Variants in PAPOLA observed in about 807,000 individuals in gnomAD.
The protein encoded by PAPOLA is poly(A) polymerase alpha.
In PAPOLA, 15 loss-of-function variants were observed where a neutral mutation model predicts 100.6. That is an observed-to-expected ratio of 0.15 (90% confidence interval 0.10 to 0.23). PAPOLA has a LOEUF of 0.23. PAPOLA is among the 10% of genes least tolerant of loss of function. PAPOLA has a pLI of 1.00. For missense variants in PAPOLA, 533 were observed against 884.2 expected, an observed-to-expected ratio of 0.60 and a Z score of 5.04; for synonymous variants, 293 against 300.0, an observed-to-expected ratio of 0.98 and a Z score of 0.24.
At chr14:96,522,504 G>T (rs888003951) in intron 3 of PAPOLA, among the ~76,000 whole-genome samples, 2 of 151,674 alleles carry the variant, frequency 1.3e-5, no homozygotes, top group African/African-American at 4.8e-5. Context: ...TCCACCTCCC[G>T]GGCTCAGGCA....
intron 19 of PAPOLA, among the ~76,000 whole-genome samples, chr14:96,557,835 C>T (rs918005500): frequency 8.0e-5 from 12 of 149,410 alleles, no homozygotes; most frequent in African/African-American, 7.4e-5. Flanking sequence ...GAATGAAAAA[C>T]GGGTATTGTA....
chr14:96,555,832 T>C lies in PAPOLA; in HGVS notation c.1665-15T>C. 2.4e-6 allele frequency: 1 copy of C among 420,812 alleles called. No individual in the cohort carries two copies. 26.1% of individuals were successfully genotyped at this position (420,812 alleles called of 1,614,324 possible). On this transcript the variant is annotated splice_polypyrimidine_tract_variant and intron_variant, in intron 17 of 21. Coordinates refer to ENST00000216277, the MANE Select transcript of PAPOLA (RefSeq NM_032632.5). The stretch of plus-strand genomic sequence containing the variant: ...TTTTAAATTTTGAGACAATTTTTAA[T>C]TTTTTTTTTTTTAGCAGAAACAGTC...
At chr14:96,548,895 GA>G (rs1206084671) in intron 16 of PAPOLA, among the ~76,000 whole-genome samples, 1 of 152,112 alleles carries the variant, frequency 6.6e-6, no homozygotes, top group African/African-American at 2.4e-5. Flanking sequence ...CAAAAGCATT[GA>G]AGTTAATTAA....
intron 1 of PAPOLA, among the ~76,000 whole-genome samples, chr14:96,508,731 T>G (rs893340189): frequency 5.3e-5 from 8 of 152,232 alleles, no homozygotes; most frequent in Admixed American, 2.0e-4. Flanking sequence ...AGTTCTCATT[T>G]TGGGAGGGTG....
intron 1 of PAPOLA, among the ~76,000 whole-genome samples, chr14:96,512,165 T>A (rs990791010): frequency 6.6e-6 from 1 of 152,172 alleles, no homozygotes; most frequent in Non-Finnish European, 1.5e-5. Context: ...TTTAACATGT[T>A]GAAACAAGTT....
rs1415870248 is a variant in PAPOLA, at chr14:96,514,242, C to T, written c.9-5813C>T. Among the ~76,000 whole-genome samples, 5 of 149,776 alleles carry T rather than the reference C, an allele frequency of 3.3e-5. No individual in the cohort carries two copies. The South Asian group carries it at 8.4e-4, about 25-fold the overall frequency. On this transcript the variant is annotated intron_variant, in intron 1 of 21. Transcript: ENST00000216277. Reference sequence around the variant, plus strand: ...TGCCCAGGCTGGAGTGCTGGGATCTCGGCTCACTGCAAGTTCCACCTCCCG... The same window carrying T: ...TGCCCAGGCTGGAGTGCTGGGATCTTGGCTCACTGCAAGTTCCACCTCCCG...
At chr14:96,550,471 G>T (rs1159005637) in intron 16 of PAPOLA, among the ~76,000 whole-genome samples, 1 of 152,100 alleles carries the variant, frequency 6.6e-6, no homozygotes, top group African/African-American at 2.4e-5. Flanking sequence ...AATCATTAAT[G>T]ATTGGAAATT....
chr14:96,561,895 C>CT (rs916484790), intron 20 of PAPOLA, among the ~76,000 whole-genome samples: 2 of 147,018 alleles, frequency 1.4e-5, no homozygotes, highest in African/African-American at 5.0e-5. Context: ...CTTCTTTGTC[C>CT]TTTTTTTGGT....
chr14:96,533,076 T>C, intron 9 of PAPOLA: 3 of 978,870 alleles, frequency 3.1e-6, no homozygotes, highest in Non-Finnish European at 3.6e-6. Flanking sequence ...TGGCCTAATA[T>C]TAAAGATACG....
chr14:96,502,823 G>T (rs1166361446), intron 1 of PAPOLA: 1 of 457,584 alleles, frequency 2.2e-6, no homozygotes, highest in African/African-American at 2.0e-5. Context: ...GGCTGGGTCA[G>T]CTGCCGTCGG....
At chr14:96,507,519 C>T (rs1196627362) in intron 1 of PAPOLA, among the ~76,000 whole-genome samples, 1 of 152,046 alleles carries the variant, frequency 6.6e-6, no homozygotes, top group East Asian at 1.9e-4. Flanking sequence ...TCGTGATCCG[C>T]CTGCCTCGGC....
At chr14:96,508,253 A>AT (rs937897076) in intron 1 of PAPOLA, among the ~76,000 whole-genome samples, 4 of 152,150 alleles carry the variant, frequency 2.6e-5, no homozygotes, top group Non-Finnish European at 1.5e-5. Context: ...TTTAAATAAA[A>AT]TTTTTTTGTT....
At chr14:96,531,977 T>C (rs1899057269) in intron 7 of PAPOLA, 5 of 1,247,866 alleles carry the variant, frequency 4.0e-6, no homozygotes, top group African/African-American at 1.6e-5. Flanking sequence ...AGCTTGTTAC[T>C]GTGCTCTTGA....
Position 96,502,591 on chromosome 14 carries a change from C to T in PAPOLA, c.-2C>T. 6.4e-7 allele frequency: 1 copy of T among 1,571,042 alleles called. No individual in the cohort carries two copies. The highest frequency in any genetic ancestry group is 8.6e-7 in the Non-Finnish European group (1 of 1,158,468). On this transcript the variant is annotated 5_prime_UTR_variant, in exon 1 of 22. It adds an upstream start codon to the 5' untranslated region. Coordinates refer to ENST00000216277, the MANE Select transcript of PAPOLA (RefSeq NM_032632.5). ...GACTGGGCGGTGCCGGCGCCGGAGA[C>T]GATGCCGTTGTAAGTAATTTGTATT...
chr14:96,508,848 G>A (rs191409845), intron 1 of PAPOLA, among the ~76,000 whole-genome samples: 61 of 152,284 alleles, frequency 4.0e-4, no homozygotes, highest in African/African-American at 1.3e-3. Flanking sequence ...ATTATAGGAG[G>A]TAATTGGTTC....
chr14:96,539,145 A>C (rs1317927309), intron 12 of PAPOLA, among the ~76,000 whole-genome samples: 1 of 152,136 alleles, frequency 6.6e-6, no homozygotes, highest in Non-Finnish European at 1.5e-5. Flanking sequence ...TAAATCATTA[A>C]CATTAGGAAA....
chr14:96,555,238 GTT>G (rs780689375), intron 17 of PAPOLA, among the ~76,000 whole-genome samples: 1 of 135,460 alleles, frequency 7.4e-6, no homozygotes, highest in African/African-American at 2.7e-5. Flanking sequence ...AATAATATAG[GTT>G]TTTTTTTTTT....
chr14:96,507,934 G>A (rs1023471069), intron 1 of PAPOLA, among the ~76,000 whole-genome samples: 7 of 152,130 alleles, frequency 4.6e-5, no homozygotes, highest in Non-Finnish European at 8.8e-5. Flanking sequence ...GGAGTGTAGT[G>A]GTGCTAGCTC....
At chr14:96,506,162 C>T (rs1426470703) in intron 1 of PAPOLA, among the ~76,000 whole-genome samples, 1 of 152,110 alleles carries the variant, frequency 6.6e-6, no homozygotes, top group African/African-American at 2.4e-5. Context: ...CCTCGGCCTC[C>T]CAAAGTGCTG....
Sources: gnomAD v4.1 joint callset for allele counts (sites outside exome capture counted in the v4.1 genomes callset) on GRCh38, gnomAD v4.1.1 for gene constraint, MANE v1.5 for transcripts, NCBI Gene and HGNC (gene_info 2026-07-23, HGNC 2026-07-21) for gene names.